MPPED1: variants seen among roughly 807,000 people sequenced by gnomAD.
The protein encoded by MPPED1 is metallophosphoesterase domain-containing protein 1.
MPPED1 carries 16 observed loss-of-function variants against 36.2 expected under a neutral mutation model. The observed-to-expected ratio is 0.44, with a 90% CI of 0.30 to 0.67. MPPED1 has a LOEUF of 0.67. MPPED1 is among the 30% of genes least tolerant of loss of function. MPPED1 has a pLI of 0.10. For synonymous variants in MPPED1, 199 were observed against 191.3 expected, an observed-to-expected ratio of 1.04 and a Z score of -0.33; for missense variants, 307 against 453.4, an observed-to-expected ratio of 0.68 and a Z score of 2.93.
At chr22:43,416,277 C>T (rs1219894409) in intron 1 of MPPED1, among the ~76,000 whole-genome samples, 1 of 152,178 alleles carries the variant, frequency 6.6e-6, no homozygotes, top group Admixed American at 6.5e-5. Context: ...AGGTTTCATC[C>T]TTAATTGCAA....
chr22:43,471,169 G>T (rs925269180), intron 3 of MPPED1, among the ~76,000 whole-genome samples: 3 of 152,244 alleles, frequency 2.0e-5, no homozygotes, highest in African/African-American at 4.8e-5. Context: ...GGAGTAATTT[G>T]CTAATTTGCT....
chr22:43,430,066 GT>G, intron 2 of MPPED1, among the ~76,000 whole-genome samples: 1 of 152,278 alleles, frequency 6.6e-6, no homozygotes, highest in South Asian at 2.1e-4. Context: ...CCAGGCCTCA[GT>G]TTCCCCATTT....
At chr22:43,445,347 A>G (rs952252152) in intron 3 of MPPED1, among the ~76,000 whole-genome samples, 22 of 151,774 alleles carry the variant, frequency 1.4e-4, no homozygotes, top group Admixed American at 1.4e-3. Context: ...TGATTGATTG[A>G]AGTTTCTTTT....
At chr22:43,477,259 G>A (rs1456771313) in intron 4 of MPPED1, among the ~76,000 whole-genome samples, 1 of 152,216 alleles carries the variant, frequency 6.6e-6, no homozygotes, top group Non-Finnish European at 1.5e-5. Context: ...AGGGCTGAAC[G>A]CCCCCTCTCT....
At chr22:43,485,298 C>A (rs868856121) in intron 4 of MPPED1, among the ~76,000 whole-genome samples, 2 of 151,834 alleles carry the variant, frequency 1.3e-5, no homozygotes, top group Middle Eastern at 6.8e-3. Context: ...ATTCACACAT[C>A]CACAACCACA....
At chr22:43,444,337 CA>C (rs1930259614) in intron 3 of MPPED1, among the ~76,000 whole-genome samples, 3 of 138,496 alleles carry the variant, frequency 2.2e-5, no homozygotes, top group Admixed American at 2.2e-4. Flanking sequence ...ACATGTTATG[CA>C]GTGGTGTTTT....
At chr22:43,451,452 G>T (rs1053733522) in intron 3 of MPPED1, among the ~76,000 whole-genome samples, 3 of 152,152 alleles carry the variant, frequency 2.0e-5, no homozygotes, top group Admixed American at 6.5e-5. Flanking sequence ...TTGTTTCTTT[G>T]ATCTCTCTTA....
At chr22:43,495,497 G>GTGGTGGTGGAAGTGCTGGTGA (rs1932258610) in intron 4 of MPPED1, among the ~76,000 whole-genome samples, 1 of 20,910 alleles carries the variant, frequency 4.8e-5, no homozygotes, top group Non-Finnish European at 7.6e-5. Flanking sequence ...GGAGGTAGTG[G>GTGGTGGTGGAAGTGCTGGTGA]TGGTGGAGGT....
At chr22:43,497,929 G>GTATGTATATATA (rs542398808) in intron 4 of MPPED1, among the ~76,000 whole-genome samples, 4 of 48,762 alleles carry the variant, frequency 8.2e-5, no homozygotes, top group Non-Finnish European at 1.6e-4. Context: ...ATATATATAT[G>GTATGTATATATA]TATATGTATA....
intron 1 of MPPED1, among the ~76,000 whole-genome samples, chr22:43,412,735 A>C (rs149772969): frequency 6.6e-6 from 1 of 151,162 alleles, no homozygotes; most frequent in Non-Finnish European, 1.5e-5. Flanking sequence ...CCTGTCTGCT[A>C]TGTGCTCGGC....
At chr22:43,481,813 G>A (rs1219981491) in intron 4 of MPPED1, among the ~76,000 whole-genome samples, 1 of 152,178 alleles carries the variant, frequency 6.6e-6, no homozygotes, top group South Asian at 2.1e-4. Flanking sequence ...CCTGGATCTT[G>A]GGCCCTGCCC....
Position 43,430,781 on chromosome 22 carries a change from A to T in MPPED1, c.225-4253A>T, listed in dbSNP as rs545838041. Among the ~76,000 whole-genome samples the T allele has an allele frequency of 3.0e-4, 46 of 152,156 alleles. No homozygotes were observed. In the South Asian group the frequency reaches 8.7e-3, roughly 29 times the overall value. ...CAAAGTGTTGAGATTAGACGCCCAG[A>T]TTCCTGTTGTGAAGTCCTGGGTTTA... is the stretch of plus-strand genomic sequence containing the variant. On this transcript the variant is annotated intron_variant, in intron 2 of 6. Coordinates refer to ENST00000443721, the MANE Select transcript of MPPED1 (RefSeq NM_001044370.2).
chr22:43,491,016 A>T (rs1932065604), intron 4 of MPPED1, among the ~76,000 whole-genome samples: 1 of 152,216 alleles, frequency 6.6e-6, no homozygotes, highest in Admixed American at 6.5e-5. Flanking sequence ...GTCCATGTGG[A>T]TGTGGGTGGC....
intron 1 of MPPED1, among the ~76,000 whole-genome samples, chr22:43,422,517 G>C (rs937880721): frequency 6.6e-6 from 1 of 152,114 alleles, no homozygotes; most frequent in African/African-American, 2.4e-5. Context: ...AGAAGCCACC[G>C]CAAGGATTTC....
intron 3 of MPPED1, among the ~76,000 whole-genome samples, chr22:43,445,235 A>G (rs1477332642): frequency 6.6e-6 from 1 of 152,182 alleles, no homozygotes; most frequent in Non-Finnish European, 1.5e-5. Context: ...TATTTGGATA[A>G]TAACAACAAA....
chr22:43,505,411 G>A, intron 6 of MPPED1, 87 bp from the exon 7 acceptor site: 2 of 1,194,530 alleles, frequency 1.7e-6, no homozygotes, highest in Non-Finnish European at 2.4e-6. Flanking sequence ...CAGCCCACAG[G>A]GGCTGAGTGC....
At chr22:43,466,293 G>C (rs1931169025) in intron 3 of MPPED1, among the ~76,000 whole-genome samples, 1 of 152,076 alleles carries the variant, frequency 6.6e-6, no homozygotes, top group South Asian at 2.1e-4. Context: ...TCATTGGGGG[G>C]TCTGCCATCC....
In MPPED1 at chr22:43,502,792, TA is replaced by T. The variant is rs763275208; in HGVS notation, c.862+36del. The T allele has an allele frequency of 4.8e-5, 75 of 1,574,974 alleles. No homozygotes were observed. The highest frequency in any genetic ancestry group is 6.0e-5 in the Non-Finnish European group (69 of 1,145,372). ...TAGCGGAGACAGGCACCTCACGGGCTAGGGGCTCCTAATGGACCCTCCAGCA... is the reference window on the plus strand; with the variant it reads ...TAGCGGAGACAGGCACCTCACGGGCTGGGGCTCCTAATGGACCCTCCAGCA... On this transcript the variant is annotated intron_variant, in intron 6 of 6. Transcript: ENST00000443721. The surrounding 1 kb of genome is among the most constrained non-coding windows in gnomAD (Gnocchi z 5.5).
chr22:43,491,102 G>A (rs560779255), intron 4 of MPPED1, among the ~76,000 whole-genome samples: 18 of 152,292 alleles, frequency 1.2e-4, no homozygotes, highest in Non-Finnish European at 1.8e-4. Flanking sequence ...GGGAGCTGAT[G>A]TTTTCTATTC....
Sources: allele counts gnomAD v4.1 joint callset (sites outside exome capture counted in the v4.1 genomes callset), GRCh38; gene constraint gnomAD v4.1.1; non-coding constraint Gnocchi (gnomAD v3.1); transcripts MANE v1.5; gene names NCBI Gene and HGNC (gene_info 2026-07-23, HGNC 2026-07-21).